PXDN: variants seen among roughly 807,000 people sequenced by gnomAD.
PXDN encodes peroxidasin.
Under a neutral mutation model 140.3 loss-of-function variants are expected in PXDN, and 77 were observed. That is an observed-to-expected ratio of 0.55 (90% CI 0.46 to 0.66). The LOEUF (loss-of-function observed/expected upper bound fraction) is 0.66, where lower values mean the gene tolerates loss of function less well. Ranked by LOEUF, PXDN falls within the 30% of genes least tolerant of loss-of-function variation. The probability of loss-of-function intolerance (pLI) is 0.00; values close to 1 mark genes in which losing one functional copy is unlikely to be tolerated. For missense variants in PXDN, 1,838 were observed against 2,039.5 expected, an observed-to-expected ratio of 0.90 and a Z score of 1.90; for synonymous variants, 911 against 857.4, an observed-to-expected ratio of 1.06 and a Z score of -1.09.
intron 22 of PXDN, among the ~76,000 whole-genome samples, chr2:1,634,914 G>A (rs1289977441): frequency 2.6e-5 from 4 of 151,136 alleles, no homozygotes; most frequent in Admixed American, 6.6e-5. Context: ...GTCCATTGCC[G>A]GCACCAGGGC....
chr2:1,683,864 GAAAAC>G, intron 5 of PXDN, 137 bp from the exon 6 acceptor site: 1 of 896,566 alleles, frequency 1.1e-6, no homozygotes, highest in Non-Finnish European at 1.7e-6. Flanking sequence ...AAATGAATCT[GAAAAC>G]AAAAGAAATG....
At chr2:1,662,463 T>C (rs1572138123) in intron 12 of PXDN, among the ~76,000 whole-genome samples, 1 of 152,078 alleles carries the variant, frequency 6.6e-6, no homozygotes, top group Admixed American at 6.5e-5. Context: ...AGCCGCAGGG[T>C]CCAGGATGGG....
chr2:1,741,683 A>G (rs1276411214), intron 1 of PXDN, among the ~76,000 whole-genome samples: 2 of 152,112 alleles, frequency 1.3e-5, no homozygotes, highest in African/African-American at 4.8e-5. Flanking sequence ...TCTAAAAGCA[A>G]AGGGACGGTG....
chr2:1,644,888 T>A, intron 17 of PXDN, 136 bp from the exon 18 acceptor site: 2 of 1,061,740 alleles, frequency 1.9e-6, no homozygotes, highest in Non-Finnish European at 2.5e-6. Context: ...AGAAAATATT[T>A]ACTTCTTTGC....
At chr2:1,723,719 G>A (rs957013002) in intron 1 of PXDN, among the ~76,000 whole-genome samples, 4 of 152,074 alleles carry the variant, frequency 2.6e-5, no homozygotes, top group African/African-American at 7.2e-5. Context: ...TGGATGAAAG[G>A]GGGGTTATGG....
At chr2:1,686,411 A>G (rs944662772) in intron 4 of PXDN, among the ~76,000 whole-genome samples, 3 of 136,988 alleles carry the variant, frequency 2.2e-5, no homozygotes, top group Non-Finnish European at 4.8e-5. Flanking sequence ...TTCCTCATTC[A>G]GCCTCGTTTC....
At chr2:1,674,724 A>G (rs1683655798) in intron 8 of PXDN, among the ~76,000 whole-genome samples, 1 of 152,228 alleles carries the variant, frequency 6.6e-6, no homozygotes, top group African/African-American at 2.4e-5. Context: ...GTGAGGACAG[A>G]GTAAGAACAG....
At chr2:1,686,788 G>A (rs1684069286) in intron 4 of PXDN, among the ~76,000 whole-genome samples, 1 of 152,194 alleles carries the variant, frequency 6.6e-6, no homozygotes, top group Admixed American at 6.5e-5. Context: ...TCTCCCCCCT[G>A]CACCGCTTGG....
rs758443793 is a variant in PXDN, at chr2:1,663,647, C to G, written c.1525G>C (p.Gly509Arg). The change falls in exon 12 of 23, where the codon GGC becomes CGC. Residue 509 changes from glycine to arginine, a missense_variant. By Grantham distance (125) the Gly-to-Arg change is moderately radical (BLOSUM62 -2). This residue lies in a region of PXDN where 537 missense variants were observed against 583.9 expected (regional missense o/e 0.92). Transcript: ENST00000252804. ...AGGTGGGCCACGACCTTCTGGGAGC[C>G]GATGATGTTGACAGCCTGGCATTCG... ...QYECQAVNII[G>R]SQKVVAHLTV... 2 of 1,613,890 alleles carry G rather than the reference C, an allele frequency of 1.2e-6. No homozygotes were observed. The highest frequency in any genetic ancestry group is 2.2e-5 in the East Asian group (1 of 44,890).
intron 8 of PXDN, among the ~76,000 whole-genome samples, chr2:1,676,081 C>T (rs1008697116): frequency 2.6e-5 from 4 of 152,128 alleles, no homozygotes; most frequent in Non-Finnish European, 4.4e-5. Flanking sequence ...TGATTTGGCC[C>T]CAGGTGCCTT....
intron 1 of PXDN, among the ~76,000 whole-genome samples, chr2:1,731,879 A>G (rs1419209521): frequency 1.3e-5 from 2 of 152,190 alleles, no homozygotes; most frequent in African/African-American, 4.8e-5. Flanking sequence ...CTAAGGCAAC[A>G]GCATTCCAAA....
Position 1,639,302 on chromosome 2 carries a change from C to T in PXDN, c.4073G>A (p.Ser1358Asn). The T allele has an allele frequency of 1.2e-6, 2 of 1,612,372 alleles. No individual in the cohort carries two copies. The highest frequency in any genetic ancestry group is 1.3e-5 in the African/African-American group (1 of 75,032). ...TKKTRPRKIPSVGRQGEHLSN... is the reference protein window; with the variant it reads ...TKKTRPRKIPNVGRQGEHLSN... ...CATTTGACCTCAGAGACCACCATAC[C>T]TGGGTATTTTCCGTGGTCTTGTTTT... Residue 1358 changes from serine to asparagine, a missense_variant and splice_region_variant, in exon 20 of 23, where the codon AGT becomes AAT. Physicochemically the swap from Ser to Asn is conservative, Grantham distance 46 (BLOSUM62 1). Coordinates refer to ENST00000252804, the MANE Select transcript of PXDN (RefSeq NM_012293.3). The surrounding 1 kb of genome is among the most constrained non-coding windows in gnomAD (Gnocchi z 5.0).
chr2:1,725,809 CA>C (rs1277969710), intron 1 of PXDN, among the ~76,000 whole-genome samples: 13 of 152,000 alleles, frequency 8.6e-5, no homozygotes, highest in Non-Finnish European at 1.5e-4. Context: ...TTTATGTAGC[CA>C]AAAAACACAT....
chr2:1,678,440 A>C (rs1201734785), intron 7 of PXDN, among the ~76,000 whole-genome samples: 2 of 152,234 alleles, frequency 1.3e-5, no homozygotes, highest in East Asian at 3.8e-4. Flanking sequence ...ATTGTCTGGC[A>C]CGGGAACAAT....
intron 21 of PXDN, chr2:1,636,696 A>G (rs1369375800): frequency 7.2e-6 from 1 of 139,704 alleles, no homozygotes; most frequent in African/African-American, 3.3e-5. Context: ...CCATGGGGGA[A>G]AAAAAAAAAA....
Position 1,651,719 on chromosome 2 carries a change from A to G in PXDN, c.2104+1909T>C, listed in dbSNP as rs960087181. Among the ~76,000 whole-genome samples the G allele has an allele frequency of 6.6e-6, 1 of 151,874 alleles. No individual in the cohort carries two copies. Among genetic ancestry groups the G allele is most frequent in the Non-Finnish European group, 1.5e-5 (1 of 67,968 alleles). ...CTTGTGGGGTCCCTGCTCACGTGTCACCTTCGCCCATGGGGAACAGCACCC... is the reference window on the plus strand; with the variant it reads ...CTTGTGGGGTCCCTGCTCACGTGTCGCCTTCGCCCATGGGGAACAGCACCC... On this transcript the variant is annotated intron_variant, in intron 16 of 22. Coordinates refer to ENST00000252804, the MANE Select transcript of PXDN (RefSeq NM_012293.3). The surrounding 1 kb of genome is among the most constrained non-coding windows in gnomAD (Gnocchi z 4.4).
rs569701024 is a variant in PXDN at position 1,651,497 on chromosome 2, C to G, written c.2105-1822G>C. Among the ~76,000 whole-genome samples, 49 of 152,342 alleles carry G rather than the reference C, an allele frequency of 3.2e-4. No homozygotes were observed. The highest frequency in any genetic ancestry group is 3.4e-3 in the Middle Eastern group (1 of 294). Reference sequence around the variant, plus strand: ...GAAACCCTAAGGTTCCCATTTCATACACAGCCAACGACATATCCTTATATT... The same window carrying G: ...GAAACCCTAAGGTTCCCATTTCATAGACAGCCAACGACATATCCTTATATT... On this transcript the variant is annotated intron_variant, in intron 16 of 22. Coordinates refer to ENST00000252804, the MANE Select transcript of PXDN (RefSeq NM_012293.3). This position sits in a 1 kb window ranked among gnomAD's most constrained non-coding sequence, Gnocchi z 4.4.
At chr2:1,723,585 G>C (rs1238211183) in intron 1 of PXDN, among the ~76,000 whole-genome samples, 1 of 152,160 alleles carries the variant, frequency 6.6e-6, no homozygotes, top group Non-Finnish European at 1.5e-5. Context: ...CGGATGGATG[G>C]ATGGATTAAT....
At position 1,744,499 on chromosome 2, in the gene PXDN, G is replaced by C. The variant is rs1233390682; in HGVS notation, c.-44C>G. On this transcript the variant is annotated 5_prime_UTR_variant, in exon 1 of 23. Coordinates refer to ENST00000252804, the MANE Select transcript of PXDN (RefSeq NM_012293.3). ...ACGCTCGGACGCACGGAGCCACCAC[G>C]GCCGGCTCCCGACTGCGCCCGCCCG... is the stretch of plus-strand genomic sequence containing the variant. The C allele has an allele frequency of 5.9e-6, 8 of 1,357,918 alleles. 1 individual carries two copies. Among genetic ancestry groups the C allele is most frequent in the Middle Eastern group, 2.7e-4 (1 of 3,676 alleles). 84.1% of individuals were successfully genotyped at this position (1,357,918 alleles called of 1,614,324 possible).
Sources: gnomAD v4.1 joint callset for allele counts (sites outside exome capture counted in the v4.1 genomes callset) on GRCh38, gnomAD v4.1.1 for gene constraint, gnomAD v4.1.1 regional missense constraint, Gnocchi (gnomAD v3.1) non-coding constraint, MANE v1.5 for transcripts, NCBI Gene and HGNC (gene_info 2026-07-23, HGNC 2026-07-21) for gene names.